Variants in DLG2 observed in about 807,000 individuals in gnomAD.
The protein encoded by DLG2 is discs large MAGUK scaffold protein 2, also known as disks large homolog 2.
A neutral mutation model predicts 132.5 loss-of-function variants in DLG2; 45 were observed. The observed-to-expected ratio is 0.34, with a 90% confidence interval of 0.27 to 0.44. The LOEUF is 0.44. Among genes scored for constraint, DLG2 ranks in the 20% least tolerant of loss-of-function variants. The probability of loss-of-function intolerance (pLI) is 1.00; values close to 1 mark genes in which losing one functional copy is unlikely to be tolerated. For missense variants in DLG2, 1,045 were observed against 1,196.9 expected, an observed-to-expected ratio of 0.87 and a Z score of 1.87; for synonymous variants, 424 against 419.6, an observed-to-expected ratio of 1.01 and a Z score of -0.13.
chr11:84,270,497 T>C (rs2097706612), intron 7 of DLG2, among the ~76,000 whole-genome samples: 2 of 152,248 alleles, frequency 1.3e-5, no homozygotes, highest in Admixed American at 1.3e-4. Flanking sequence ...TCAGCCACTT[T>C]AAGGTTCCTT....
rs202179915 is a variant in DLG2 at position 84,059,465 on chromosome 11, G to T, written c.769C>A (p.Arg257=). The change falls in exon 11 of 28, where the codon CGG becomes AGG. Residue 257 remains arginine, a synonymous_variant. Transcript: ENST00000376104. The stretch of plus-strand genomic sequence containing the variant: ...TCTGACACATCAACCTCATTCACCC[G>T]CAAGATACAATCATTGACCCTGCAA... ...GRLRVNDCIL[R]VNEVDVSEVS... The T allele has an allele frequency of 1.8e-4, 289 of 1,603,152 alleles. No homozygotes were observed. The highest frequency in any genetic ancestry group is 2.4e-4 in the Admixed American group (14 of 58,430).
chr11:83,917,013 A>G (rs547368059), intron 15 of DLG2, among the ~76,000 whole-genome samples: 1 of 152,280 alleles, frequency 6.6e-6, no homozygotes, highest in East Asian at 1.9e-4. Flanking sequence ...CAGGTCAAGC[A>G]TTATATGATT....
At chr11:84,894,523 T>C (rs1209107506) in intron 6 of DLG2, among the ~76,000 whole-genome samples, 1 of 152,016 alleles carries the variant, frequency 6.6e-6, no homozygotes, top group African/African-American at 2.4e-5. Context: ...TCCTACTTGG[T>C]GGAGTACTTA....
At chr11:85,171,145 G>T (rs913379042) in intron 4 of DLG2, among the ~76,000 whole-genome samples, 3 of 152,168 alleles carry the variant, frequency 2.0e-5, no homozygotes, top group Non-Finnish European at 4.4e-5. Context: ...AGAAGCAGCT[G>T]CAGTCTGCAG....
At chr11:83,550,832 CT>C (rs1446948491) in intron 19 of DLG2, among the ~76,000 whole-genome samples, 2 of 152,076 alleles carry the variant, frequency 1.3e-5, no homozygotes, top group Non-Finnish European at 2.9e-5. Context: ...TGATTACAGT[CT>C]TTTATTTCTG....
At chr11:83,818,129 T>C (rs1420485050) in intron 17 of DLG2, among the ~76,000 whole-genome samples, 2 of 152,156 alleles carry the variant, frequency 1.3e-5, no homozygotes, top group African/African-American at 2.4e-5. Flanking sequence ...AACTGAATTG[T>C]TGCTCCTGGG....
At chr11:85,075,232 C>A (rs1660258282) in intron 6 of DLG2, among the ~76,000 whole-genome samples, 1 of 151,788 alleles carries the variant, frequency 6.6e-6, no homozygotes, top group African/African-American at 2.4e-5. Flanking sequence ...ATTTGTACAG[C>A]CACTTTGCAG....
chr11:83,993,788 C>A (rs1259928647), intron 11 of DLG2, among the ~76,000 whole-genome samples: 4 of 152,168 alleles, frequency 2.6e-5, no homozygotes, highest in African/African-American at 9.7e-5. Flanking sequence ...TCATTAAACA[C>A]TGACCTCTGA....
At chr11:84,721,132 G>T (rs1372014509) in intron 6 of DLG2, among the ~76,000 whole-genome samples, 2 of 152,114 alleles carry the variant, frequency 1.3e-5, no homozygotes, top group Admixed American at 6.5e-5. Context: ...GACCTCCGAG[G>T]CCGACTTCCC....
intron 3 of DLG2, among the ~76,000 whole-genome samples, chr11:85,474,025 T>G (rs2093064684): frequency 6.6e-6 from 1 of 152,002 alleles, no homozygotes; most frequent in Non-Finnish European, 1.5e-5. Context: ...AAAATATAGA[T>G]AGTCATGTTG....
chr11:83,795,120 A>G lies in DLG2; in HGVS notation c.1723-8328T>C, dbSNP rs187064218. Among the ~76,000 whole-genome samples, 349 of 152,278 alleles carry G rather than the reference A, an allele frequency of 2.3e-3. 3 individuals are homozygous for G. Among genetic ancestry groups the G allele is most frequent in the Middle Eastern group, 0.01 (3 of 294 alleles). ...TTTATTGGATCATTAAAATATTTATATTCCGGCCAGGCGCGGTGCTCACGC... is the reference window on the plus strand; with the variant it reads ...TTTATTGGATCATTAAAATATTTATGTTCCGGCCAGGCGCGGTGCTCACGC... On this transcript the variant is annotated intron_variant, in intron 17 of 27. Coordinates refer to ENST00000376104, the MANE Select transcript of DLG2 (RefSeq NM_001142699.3).
intron 6 of DLG2, among the ~76,000 whole-genome samples, chr11:84,769,583 A>T (rs181015737): frequency 2.0e-4 from 30 of 152,334 alleles, no homozygotes; most frequent in Admixed American, 5.2e-4. Context: ...AATTTCACTG[A>T]TCTTGCTAGA....
chr11:85,363,753 C>T (rs2084332429), intron 3 of DLG2, among the ~76,000 whole-genome samples: 1 of 152,154 alleles, frequency 6.6e-6, no homozygotes, highest in East Asian at 1.9e-4. Flanking sequence ...AGTGCTTTGG[C>T]ATTTTAATGT....
chr11:84,855,738 G>T (rs1337859243), intron 6 of DLG2, among the ~76,000 whole-genome samples: 5 of 152,012 alleles, frequency 3.3e-5, no homozygotes. Context: ...GTGTCTTACT[G>T]CTGAGTGACT....
At chr11:84,597,500 G>A (rs1353530829) in intron 6 of DLG2, among the ~76,000 whole-genome samples, 1 of 152,138 alleles carries the variant, frequency 6.6e-6, no homozygotes, top group Non-Finnish European at 1.5e-5. Context: ...TGTCAATGAT[G>A]GGTGAAATGA....
chr11:83,999,734 G>C (rs1381136953), intron 11 of DLG2, among the ~76,000 whole-genome samples: 1 of 151,984 alleles, frequency 6.6e-6, no homozygotes, highest in Non-Finnish European at 1.5e-5. Context: ...CACCACCAAG[G>C]AAATCACAGA....
chr11:85,343,326 C>T (rs2082622785), intron 3 of DLG2, among the ~76,000 whole-genome samples: 1 of 152,108 alleles, frequency 6.6e-6, no homozygotes, highest in Non-Finnish European at 1.5e-5. Flanking sequence ...TAACTGCTAC[C>T]AGAGTGACAC....
intron 7 of DLG2, among the ~76,000 whole-genome samples, chr11:84,485,229 T>C (rs949426521): frequency 1.3e-5 from 2 of 152,160 alleles, no homozygotes; most frequent in Non-Finnish European, 2.9e-5. Flanking sequence ...CCCTTCTCTA[T>C]GGTACTTAGT....
chr11:85,333,853 C>A (rs1178087695), intron 3 of DLG2, among the ~76,000 whole-genome samples: 1 of 151,320 alleles, frequency 6.6e-6, no homozygotes, highest in Non-Finnish European at 1.5e-5. Flanking sequence ...AGGATTTTTG[C>A]ACCTATGTTT....
Sources: allele counts gnomAD v4.1 joint callset (sites outside exome capture counted in the v4.1 genomes callset), GRCh38; gene constraint gnomAD v4.1.1; transcripts MANE v1.5; gene names NCBI Gene and HGNC (gene_info 2026-07-23, HGNC 2026-07-21).